Variants in MLLT1 observed in about 807,000 individuals in gnomAD.
The protein encoded by MLLT1 is protein ENL.
MLLT1 carries 11 observed loss-of-function variants against 55.1 expected under a neutral mutation model. That is an observed-to-expected ratio of 0.20 (90% CI 0.13 to 0.33). MLLT1 has a LOEUF of 0.33. Ranked by LOEUF, MLLT1 falls within the 10% of genes least tolerant of loss-of-function variation. The pLI, the probability that MLLT1 is intolerant of heterozygous loss-of-function variation, is 1.00. For synonymous variants in MLLT1, 323 were observed against 320.1 expected, an observed-to-expected ratio of 1.01 and a Z score of -0.10; for missense variants, 536 against 760.6, an observed-to-expected ratio of 0.70 and a Z score of 3.47.
rs1336329715 is a variant in MLLT1 at position 6,226,075 on chromosome 19, C to T, written c.546+902G>A. Among the ~76,000 whole-genome samples the T allele has an allele frequency of 1.3e-5, 2 of 152,240 alleles. No individual in the cohort carries two copies. The highest frequency in any genetic ancestry group is 2.4e-5 in the African/African-American group (1 of 41,466). On this transcript the variant is annotated intron_variant, in intron 5 of 11. Coordinates refer to ENST00000252674, the MANE Select transcript of MLLT1 (RefSeq NM_005934.4). This position sits in a 1 kb window ranked among gnomAD's most constrained non-coding sequence, Gnocchi z 6.3. ...GACCTGCCTGGGTGCTGCGGTTCTT[C>T]TCCCGCATGGCTGACGGTGAGTCTG...
Position 6,270,579 on chromosome 19 carries a change from C to T in MLLT1, c.193G>A (p.Val65Met). The T allele has an allele frequency of 1.2e-6, 2 of 1,608,918 alleles. No individual in the cohort carries two copies. The highest frequency in any genetic ancestry group is 2.2e-5 in the East Asian group (1 of 44,860). ...LHDSFPKPRR[V>M]CKEPPYKVEE... ...GCACTCAGGGCTTGAGGCCACTCAC[C>T]GCGTCTGGGCTTGGGGAAGCTGTCG... Residue 65 changes from valine to methionine, a missense_variant and splice_region_variant, in exon 2 of 12, where the codon GTG becomes ATG. Around this residue, in one of 3 missense-constraint regions of MLLT1, gnomAD observed 62 missense variants for 195.8 expected, o/e 0.32. Coordinates refer to ENST00000252674, the MANE Select transcript of MLLT1 (RefSeq NM_005934.4). The surrounding 1 kb of genome is among the most constrained non-coding windows in gnomAD (Gnocchi z 7.1).
chr19:6,215,342 C>T (rs1392416468), intron 8 of MLLT1, among the ~76,000 whole-genome samples: 2 of 152,248 alleles, frequency 1.3e-5, no homozygotes, highest in African/African-American at 4.8e-5. Context: ...AAGCAGAATC[C>T]ACCCTGAATG....
Position 6,262,978 on chromosome 19 carries a change from G to GT in MLLT1, c.194-669dup, listed in dbSNP as rs2091317841. On this transcript the variant is annotated intron_variant, in intron 2 of 11. Coordinates refer to ENST00000252674, the MANE Select transcript of MLLT1 (RefSeq NM_005934.4). The surrounding 1 kb of genome is among the most constrained non-coding windows in gnomAD (Gnocchi z 4.4). ...GCAGGCGGATCACTTCAAGTCAGGA[G>GT]TTCGAGACCAGCCTGGCCAACATGA... 1 of 152,200 alleles carries GT rather than the reference G, an allele frequency of 6.6e-6. No homozygotes were observed. Among genetic ancestry groups the GT allele is most frequent in the Non-Finnish European group, 1.5e-5 (1 of 68,102 alleles). The allele number at this position is 152,200 out of a possible 1,614,324, so 9.4% of individuals were successfully genotyped here.
rs762068042 is a variant in MLLT1, at chr19:6,213,062, G to A, written c.1660C>T (p.Leu554=). The change falls in exon 12 of 12, where the codon CTG becomes TTG. Residue 554 remains leucine, a synonymous_variant. Coordinates refer to ENST00000252674, the MANE Select transcript of MLLT1 (RefSeq NM_005934.4). ...CAGGGTCATGTGGCCACGGCCTCCA[G>A]GCAGCTCTGCAGTTTGCGCACGGTG... ...ETTVRKLQSC[L]EAVAT 6.2e-7 allele frequency: 1 copy of A among 1,613,856 alleles called. No individual in the cohort carries two copies. The highest frequency in any genetic ancestry group is 8.5e-7 in the Non-Finnish European group (1 of 1,179,798).
chr19:6,230,322 G>T lies in MLLT1; in HGVS notation c.420+248C>A, dbSNP rs1429413886. Among the ~76,000 whole-genome samples the T allele has an allele frequency of 3.3e-5, 5 of 152,346 alleles. No homozygotes were observed. The East Asian group carries it at 9.6e-4, about 29-fold the overall frequency. On this transcript the variant is annotated intron_variant, in intron 4 of 11. Coordinates refer to ENST00000252674, the MANE Select transcript of MLLT1 (RefSeq NM_005934.4). This position sits in a 1 kb window ranked among gnomAD's most constrained non-coding sequence, Gnocchi z 9.0. The stretch of plus-strand genomic sequence containing the variant: ...CCATCCCTTCCCAGCACTTCCTGCA[G>T]GAAGGTGCTAATTACCCATGGCCAC...
chr19:6,259,616 A>G (rs556757575), intron 3 of MLLT1: 1 of 152,242 alleles, frequency 6.6e-6, no homozygotes, highest in East Asian at 1.9e-4. Context: ...GACCCTCTAC[A>G]ACCACCCCAG....
In MLLT1 at chr19:6,213,987, G is replaced by T; in HGVS notation, c.1359C>A (p.Pro453=). Residue 453 remains proline, a synonymous_variant, in exon 9 of 12, where the codon CCC becomes CCA. Coordinates refer to ENST00000252674, the MANE Select transcript of MLLT1 (RefSeq NM_005934.4). ...TCTGGGGGGGTGGGGGCTCACGGCT[G>T]GGCAGGGAGGAGTCGGCGCTGTTGT... ...ESDNSADSSL[P]SREPPPPQKP... is the part of the protein sequence containing the mutation. 1 of 1,461,450 alleles carries T rather than the reference G, an allele frequency of 6.8e-7. No individual in the cohort carries two copies. Among genetic ancestry groups the T allele is most frequent in the East Asian group, 2.4e-5 (1 of 40,936 alleles). 90.5% of individuals were successfully genotyped at this position (1,461,450 alleles called of 1,614,324 possible). A position where few individuals can be genotyped will look rare whatever the true frequency, so the allele number is the denominator to read the frequency against.
chr19:6,232,128 C>T (rs911697332), intron 3 of MLLT1, among the ~76,000 whole-genome samples: 3 of 152,010 alleles, frequency 2.0e-5, no homozygotes, highest in East Asian at 1.9e-4. Flanking sequence ...CCCAGCTACT[C>T]GGGAGACTGA....
In MLLT1 at chr19:6,235,223, T is replaced by C. The variant is rs1265347920; in HGVS notation, c.277-4510A>G. On this transcript the variant is annotated intron_variant, in intron 3 of 11. Transcript: ENST00000252674. This position sits in a 1 kb window ranked among gnomAD's most constrained non-coding sequence, Gnocchi z 5.5. Reference sequence around the variant, plus strand: ...TGTAAATGCTTCCAACTTTCCCTGGTAACTTCTGAGTGGACGCTGGCAGCA... The same window carrying C: ...TGTAAATGCTTCCAACTTTCCCTGGCAACTTCTGAGTGGACGCTGGCAGCA... Among the ~76,000 whole-genome samples the C allele has an allele frequency of 6.6e-6, 1 of 152,194 alleles. No homozygotes were observed. Among genetic ancestry groups the C allele is most frequent in the Non-Finnish European group, 1.5e-5 (1 of 68,032 alleles).
At chr19:6,249,253 C>T (rs2091194878) in intron 3 of MLLT1, among the ~76,000 whole-genome samples, 1 of 152,102 alleles carries the variant, frequency 6.6e-6, no homozygotes, top group Admixed American at 6.5e-5. Context: ...AAATTAATTT[C>T]ACCTGTTTCT....
intron 1 of MLLT1, among the ~76,000 whole-genome samples, chr19:6,279,033 G>C (rs2091443088): frequency 6.6e-6 from 1 of 152,062 alleles, no homozygotes. Flanking sequence ...GGGAGAGAAA[G>C]GGATGCCCTG....
chr19:6,238,574 T>C (rs1360078218), intron 3 of MLLT1, among the ~76,000 whole-genome samples: 1 of 152,232 alleles, frequency 6.6e-6, no homozygotes, highest in Non-Finnish European at 1.5e-5. Context: ...GAGAATTAAA[T>C]AGATAAGCTT....
Position 6,230,581 on chromosome 19 carries a change from G to T in MLLT1, c.409C>A (p.Arg137=). The change falls in exon 4 of 12, where the codon CGG becomes AGG. Residue 137 remains arginine, a synonymous_variant. Transcript: ENST00000252674. The surrounding 1 kb of genome is among the most constrained non-coding windows in gnomAD (Gnocchi z 9.0). ...PTTEFRYKLL[R]AGGVMVMPEG... Reference sequence around the variant, plus strand: ...CGGGGCACACTCACCCCGCCGGCCCGCAGGAGCTTGTACCGGAACTCCGTG... The same window carrying T: ...CGGGGCACACTCACCCCGCCGGCCCTCAGGAGCTTGTACCGGAACTCCGTG... 1 of 1,613,302 alleles carries T rather than the reference G, an allele frequency of 6.2e-7. No individual in the cohort carries two copies. Among genetic ancestry groups the T allele is most frequent in the Non-Finnish European group, 8.5e-7 (1 of 1,179,900 alleles).
At chr19:6,255,212 G>T (rs1349929104) in intron 3 of MLLT1, among the ~76,000 whole-genome samples, 1 of 152,200 alleles carries the variant, frequency 6.6e-6, no homozygotes, top group Non-Finnish European at 1.5e-5. Context: ...TAGGAATAAG[G>T]CCAGGCACAG....
intron 3 of MLLT1, among the ~76,000 whole-genome samples, chr19:6,233,219 C>T (rs1280855051): frequency 1.3e-5 from 2 of 152,230 alleles, no homozygotes; most frequent in African/African-American, 2.4e-5. Context: ...CGGGGACAGG[C>T]GCCTCCTGGG....
chr19:6,239,120 C>T (rs1483668751), intron 3 of MLLT1, among the ~76,000 whole-genome samples: 1 of 152,194 alleles, frequency 6.6e-6, no homozygotes, highest in Non-Finnish European at 1.5e-5. Flanking sequence ...CTCGCGTCCA[C>T]AGAGCCCTGC....
chr19:6,261,290 C>T (rs375594187), intron 3 of MLLT1, among the ~76,000 whole-genome samples: 4 of 152,360 alleles, frequency 2.6e-5, no homozygotes, highest in East Asian at 3.9e-4. Flanking sequence ...CATCTGAAAT[C>T]GGCCAAGCTG....
chr19:6,221,389 A>C (rs1031057057), intron 6 of MLLT1, among the ~76,000 whole-genome samples: 9 of 152,228 alleles, frequency 5.9e-5, no homozygotes, highest in Non-Finnish European at 1.0e-4. Flanking sequence ...GGTGGCTACC[A>C]GCTCTTGCGG....
chr19:6,212,782 C>T lies in MLLT1; in HGVS notation c.*260G>A. 1 of 965,042 alleles carries T rather than the reference C, an allele frequency of 1.0e-6. No homozygotes were observed. Among genetic ancestry groups the T allele is most frequent in the Non-Finnish European group, 1.4e-6 (1 of 726,544 alleles). The allele number at this position is 965,042 out of a possible 1,614,324, so 59.8% of individuals were successfully genotyped here. On this transcript the variant is annotated 3_prime_UTR_variant, in exon 12 of 12. Transcript: ENST00000252674. ...TGTCTCTGCCCAGAGCTGCCTTCAA[C>T]ACCAGCCGCTCTCTGAGGGGAGCCC...
Sources: allele counts gnomAD v4.1 joint callset (sites outside exome capture counted in the v4.1 genomes callset), GRCh38; gene constraint gnomAD v4.1.1; regional missense constraint gnomAD v4.1.1; non-coding constraint Gnocchi (gnomAD v3.1); transcripts MANE v1.5; gene names NCBI Gene and HGNC (gene_info 2026-07-23, HGNC 2026-07-21).